The following ELN variants were observed in gnomAD, a reference collection of about 807,000 sequenced individuals.
The protein encoded by ELN is tropoelastin.
A neutral mutation model predicts 105.8 loss-of-function variants in ELN; 65 were observed. The observed-to-expected ratio is 0.61, with a 90% CI of 0.50 to 0.75. The LOEUF is 0.75. Ranked by LOEUF, ELN falls within the 30% of genes least tolerant of loss-of-function variation. The probability of loss-of-function intolerance (pLI) is 0.00; values close to 1 mark genes in which losing one functional copy is unlikely to be tolerated. For synonymous variants in ELN, 368 were observed against 389.2 expected (o/e 0.95, Z 0.64); for missense variants, 882 against 969.4 (o/e 0.91, Z 1.20).
intron 26 of ELN, among the ~76,000 whole-genome samples, chr7:74,062,700 G>A (rs944099257): frequency 7.9e-5 from 12 of 152,014 alleles, no homozygotes; most frequent in African/African-American, 2.7e-4. Flanking sequence ...ACAGGCGCCC[G>A]CCACCACGCC....
chr7:74,041,161 C>A (rs1791110590), intron 4 of ELN, 55 bp from the exon 5 acceptor site: 2 of 1,612,698 alleles, frequency 1.2e-6, no homozygotes, highest in Non-Finnish European at 1.7e-6. Context: ...GAGACATTTC[C>A]CACTCTGGGC....
At chr7:74,043,805 T>C in intron 8 of ELN, 74 bp from the exon 9 acceptor site, 1 of 1,542,328 alleles carries the variant, frequency 6.5e-7, no homozygotes, top group Non-Finnish European at 8.8e-7. Flanking sequence ...TGGAGCTGCC[T>C]GGGTGGGAAG....
At chr7:74,037,255 G>A (rs535543833) in intron 3 of ELN, among the ~76,000 whole-genome samples, 7 of 150,994 alleles carry the variant, frequency 4.6e-5, no homozygotes, top group Admixed American at 6.6e-5. Flanking sequence ...GTGCAGTGGC[G>A]CGATCTCAGC....
chr7:74,058,325 TCTC>T lies in ELN; in HGVS notation c.1414+635_1414+637del, dbSNP rs1471739507. ...TTCTTCTCTTCTCTTCCGTCTTTCT[TCTC>T]CTCCTTTTCCTCCTTCTTCTTTCTT... On this transcript the variant is annotated intron_variant, in intron 22 of 32. Coordinates refer to ENST00000252034, the MANE Select transcript of ELN (RefSeq NM_000501.4). Among the ~76,000 whole-genome samples, 8 of 151,022 alleles carry T rather than the reference TCTC, an allele frequency of 5.3e-5. No homozygotes were observed. The South Asian group carries it at 8.5e-4, about 16-fold the overall frequency.
chr7:74,050,391 GTCCATCCA>G (rs369449509), intron 15 of ELN, among the ~76,000 whole-genome samples: 117 of 94,450 alleles, frequency 1.2e-3, no homozygotes, highest in African/African-American at 3.9e-3. Context: ...CCATCCACTC[GTCCATCCA>G]TCCATCCATC....
chr7:74,068,795 C>A lies in ELN; in HGVS notation c.*95C>A. ...TTTGTAACCCCATCCCATGCCCCTC[C>A]GACTCCCCACCCCAGGAGGGAACGG... On this transcript the variant is annotated 3_prime_UTR_variant, in exon 33 of 33. Coordinates refer to ENST00000252034, the MANE Select transcript of ELN (RefSeq NM_000501.4). The A allele has an allele frequency of 6.8e-7, 1 of 1,472,872 alleles. No homozygotes were observed. The highest frequency in any genetic ancestry group is 9.5e-7 in the Non-Finnish European group (1 of 1,053,096). 91.2% of individuals were successfully genotyped at this position (1,472,872 alleles called of 1,614,324 possible). A position where few individuals can be genotyped will look rare whatever the true frequency, so the allele number is the denominator to read the frequency against.
In ELN at chr7:74,036,701, C is replaced by T. The variant is rs1016936006; in HGVS notation, c.163+117C>T. ...CCGAGCATCAAGGACTCCCTCATTT[C>T]ACAGACAGCATCCAGGCGGTGGGAG... On this transcript the variant is annotated intron_variant, in intron 3 of 32. Coordinates refer to ENST00000252034, the MANE Select transcript of ELN (RefSeq NM_000501.4). 6.0e-5 allele frequency: 86 copies of T among 1,435,310 alleles called. No individual in the cohort carries two copies. The East Asian group carries it at 1.9e-3, about 32-fold the overall frequency. The allele number at this position is 1,435,310 out of a possible 1,614,324, so 88.9% of individuals were successfully genotyped here.
rs111557431 is a variant in ELN, at chr7:74,069,201, C to T, written c.*501C>T. The T allele has an allele frequency of 1.6e-5, 4 of 257,918 alleles. No individual in the cohort carries two copies. Among genetic ancestry groups the T allele is most frequent in the Non-Finnish European group, 2.3e-5 (3 of 132,068 alleles). The allele number at this position is 257,918 out of a possible 1,614,324, so 16.0% of individuals were successfully genotyped here. The stretch of plus-strand genomic sequence containing the variant: ...CTGAAGCCTCAAAGCTGGATTCGCT[C>T]TAGCATCCCTCCTCTCCTGGGTCCA... On this transcript the variant is annotated 3_prime_UTR_variant, in exon 33 of 33. Transcript: ENST00000252034.
intron 1 of ELN, among the ~76,000 whole-genome samples, chr7:74,031,025 C>T (rs2130942554): frequency 6.6e-6 from 1 of 152,334 alleles, no homozygotes; most frequent in Non-Finnish European, 1.5e-5. Context: ...CAAACAGCTT[C>T]GTGTGGTCTT....
At chr7:74,065,483 G>A (rs1797731878) in intron 29 of ELN, among the ~76,000 whole-genome samples, 2 of 151,890 alleles carry the variant, frequency 1.3e-5, no homozygotes, top group Admixed American at 1.3e-4. Flanking sequence ...GCGTGGTGGT[G>A]GGTGCCTGTA....
Position 74,046,678 on chromosome 7 carries a change from C to T in ELN, c.572-18C>T, listed in dbSNP as rs1554672404. ...AAGGGGGTGCTGGGACCTGAACTTG[C>T]TCTCTTTATTCCCACAGGAGTTGGA... is the stretch of plus-strand genomic sequence containing the variant. On this transcript the variant is annotated intron_variant, in intron 11 of 32. Transcript: ENST00000252034. 6.2e-7 allele frequency: 1 copy of T among 1,614,142 alleles called. No individual in the cohort carries two copies. The highest frequency in any genetic ancestry group is 1.7e-5 in the Admixed American group (1 of 60,024).
chr7:74,046,637 G>A (rs1792590239), intron 11 of ELN, 59 bp from the exon 12 acceptor site: 4 of 1,577,046 alleles, frequency 2.5e-6, no homozygotes, highest in Non-Finnish European at 3.5e-6. Context: ...AGTGGAGTGG[G>A]TGGCGGAGGG....
At chr7:74,044,663 C>A (rs1792048298) in intron 9 of ELN, among the ~76,000 whole-genome samples, 1 of 152,246 alleles carries the variant, frequency 6.6e-6, no homozygotes, top group Non-Finnish European at 1.5e-5. Flanking sequence ...CCTGAATTCC[C>A]CCAAAAGCCC....
Position 74,063,021 on chromosome 7 carries a change from C to A in ELN, c.1787-132C>A. The stretch of plus-strand genomic sequence containing the variant: ...ATCTCAAAATGAAACAAAATATGGA[C>A]TGGACTTCCTGTCCACTGCTCCTCC... On this transcript the variant is annotated intron_variant, in intron 26 of 32. Coordinates refer to ENST00000252034, the MANE Select transcript of ELN (RefSeq NM_000501.4). This position sits in a 1 kb window ranked among gnomAD's most constrained non-coding sequence, Gnocchi z 4.1. 1 of 1,151,996 alleles carries A rather than the reference C, an allele frequency of 8.7e-7. No individual in the cohort carries two copies. The highest frequency in any genetic ancestry group is 1.2e-6 in the Non-Finnish European group (1 of 814,720). The allele number at this position is 1,151,996 out of a possible 1,614,324, so 71.4% of individuals were successfully genotyped here.
intron 4 of ELN, among the ~76,000 whole-genome samples, chr7:74,040,676 T>C (rs534313059): frequency 3.2e-4 from 48 of 152,194 alleles, no homozygotes; most frequent in Admixed American, 1.2e-3. Context: ...GACGAAGCGA[T>C]TGGGCCCAGA....
At chr7:74,047,785 G>C in intron 13 of ELN, 69 bp downstream of exon 13, 2 of 1,608,992 alleles carry the variant, frequency 1.2e-6, no homozygotes, top group Non-Finnish European at 1.7e-6. Flanking sequence ...CAAGGGTGCT[G>C]TGCTTCCAGC....
Position 74,069,772 on chromosome 7 carries a change from G to A in ELN, c.*1072G>A. On this transcript the variant is annotated 3_prime_UTR_variant, in exon 33 of 33. Coordinates refer to ENST00000252034, the MANE Select transcript of ELN (RefSeq NM_000501.4). ...AAGATAATTTTTTTTTCTGATCCGGGGAGCTGTATCCCCAGTAGAAAAAAC... is the reference window on the plus strand; with the variant it reads ...AAGATAATTTTTTTTTCTGATCCGGAGAGCTGTATCCCCAGTAGAAAAAAC... 1 of 225,142 alleles carries A rather than the reference G, an allele frequency of 4.4e-6. No homozygotes were observed. Among genetic ancestry groups the A allele is most frequent in the Non-Finnish European group, 8.8e-6 (1 of 113,276 alleles). 13.9% of individuals were successfully genotyped at this position (225,142 alleles called of 1,614,324 possible). A position where few individuals can be genotyped will look rare whatever the true frequency, so the allele number is the denominator to read the frequency against.
chr7:74,046,582 G>A (rs1792577247), intron 11 of ELN, 114 bp from the exon 12 acceptor site: 1 of 1,134,628 alleles, frequency 8.8e-7, no homozygotes, highest in Non-Finnish European at 1.3e-6. Context: ...CTCGAAGCAG[G>A]ATGGTTTCTG....
At chr7:74,061,786 C>T (rs563267567) in intron 26 of ELN, among the ~76,000 whole-genome samples, 1 of 152,272 alleles carries the variant, frequency 6.6e-6, no homozygotes, top group South Asian at 2.1e-4. Context: ...CCCTTGAAAT[C>T]CCAGTTGCCC....
Sources: allele counts gnomAD v4.1 joint callset (sites outside exome capture counted in the v4.1 genomes callset), GRCh38; gene constraint gnomAD v4.1.1; non-coding constraint Gnocchi (gnomAD v3.1); transcripts MANE v1.5; gene names NCBI Gene and HGNC (gene_info 2026-07-23, HGNC 2026-07-21).